NEK11: variants seen among roughly 807,000 people sequenced by gnomAD.
The protein encoded by NEK11 is NIMA related kinase 11.
In NEK11, 72 loss-of-function variants were observed where a neutral mutation model predicts 80.7. The observed-to-expected ratio is 0.89, with a 90% CI of 0.74 to 1.08. The LOEUF (loss-of-function observed/expected upper bound fraction) is 1.08, where lower values mean the gene tolerates loss of function less well. NEK11 is among the 50% of genes least tolerant of loss of function. The probability of loss-of-function intolerance (pLI) is 0.00; values close to 1 mark genes in which losing one functional copy is unlikely to be tolerated. For synonymous variants in NEK11, 251 were observed against 260.7 expected (o/e 0.96, Z 0.36); for missense variants, 764 against 763.6 (o/e 1.00, Z -0.01).
chr3:131,165,527 C>A lies in NEK11; in HGVS notation c.1176+8C>A. The A allele has an allele frequency of 1.3e-6, 2 of 1,557,678 alleles. No individual in the cohort carries two copies. The highest frequency in any genetic ancestry group is 8.8e-7 in the Non-Finnish European group (1 of 1,137,220). On this transcript the variant is annotated splice_region_variant and intron_variant, in intron 12 of 17. Coordinates refer to ENST00000383366, the MANE Select transcript of NEK11 (RefSeq NM_024800.5). ...AGTGTTGATGTACTCCATGTAAGTA[C>A]CCTCTTATTTTAAATTTTACATAAA...
At chr3:131,162,890 C>T (rs762518614) in intron 11 of NEK11, among the ~76,000 whole-genome samples, 2 of 152,166 alleles carry the variant, frequency 1.3e-5, no homozygotes, top group African/African-American at 2.4e-5. Context: ...TGCTGCGTAC[C>T]TTCTACCAGG....
At chr3:131,103,756 A>G (rs1578303306) in intron 4 of NEK11, among the ~76,000 whole-genome samples, 1 of 152,166 alleles carries the variant, frequency 6.6e-6, no homozygotes, top group Admixed American at 6.5e-5. Flanking sequence ...AGGCATGCCT[A>G]TTCCTGCTGC....
intron 16 of NEK11, among the ~76,000 whole-genome samples, chr3:131,268,808 C>T (rs1475973737): frequency 1.3e-5 from 2 of 152,232 alleles, no homozygotes; most frequent in African/African-American, 2.4e-5. Context: ...GTTAGGAGAT[C>T]CACTGCTCTC....
intron 4 of NEK11, among the ~76,000 whole-genome samples, chr3:131,104,357 A>G (rs2078853831): frequency 6.6e-6 from 1 of 152,146 alleles, no homozygotes; most frequent in Admixed American, 6.5e-5. Context: ...AGGAGCAGCA[A>G]GTTCAGAGAG....
chr3:131,119,486 C>G (rs537853680), intron 5 of NEK11, among the ~76,000 whole-genome samples: 1 of 152,160 alleles, frequency 6.6e-6, no homozygotes, highest in African/African-American at 2.4e-5. Context: ...TCTATTAGGT[C>G]TGCTTGGTGC....
intron 7 of NEK11, among the ~76,000 whole-genome samples, chr3:131,140,416 A>T (rs893926161): frequency 6.6e-6 from 1 of 152,192 alleles, no homozygotes; most frequent in African/African-American, 2.4e-5. Context: ...TTGGAAGTGG[A>T]TCCTTAAGCC....
intron 13 of NEK11, 35 bp from the exon 14 acceptor site, chr3:131,170,738 C>A: frequency 7.8e-7 from 1 of 1,282,116 alleles, no homozygotes. Context: ...TTCCTTCTAT[C>A]AGCATCTCAT....
At chr3:131,120,162 A>G (rs777661093) in intron 5 of NEK11, among the ~76,000 whole-genome samples, 5 of 152,188 alleles carry the variant, frequency 3.3e-5, no homozygotes, top group African/African-American at 1.2e-4. Context: ...GAGGTCTTGT[A>G]AGGTAGACCT....
chr3:131,280,937 A>G (rs1295438453), intron 17 of NEK11, among the ~76,000 whole-genome samples: 1 of 152,188 alleles, frequency 6.6e-6, no homozygotes, highest in Non-Finnish European at 1.5e-5. Context: ...GACCAGGTTT[A>G]CCAGTTTGGC....
intron 4 of NEK11, among the ~76,000 whole-genome samples, chr3:131,095,904 C>G (rs2077360837): frequency 6.6e-6 from 1 of 152,124 alleles, no homozygotes; most frequent in Non-Finnish European, 1.5e-5. Flanking sequence ...TCAGAGGTCA[C>G]TGGCAACAGT....
chr3:131,195,373 A>T (rs1194102031), intron 14 of NEK11, among the ~76,000 whole-genome samples: 3 of 151,902 alleles, frequency 2.0e-5, no homozygotes, highest in Non-Finnish European at 4.4e-5. Context: ...ATGATTGCCC[A>T]CTACACTCCT....
chr3:131,161,855 A>G (rs2149939601), intron 10 of NEK11, among the ~76,000 whole-genome samples: 1 of 152,380 alleles, frequency 6.6e-6, no homozygotes, highest in East Asian at 1.9e-4. Context: ...AAATAAAAAA[A>G]TAAGATTTAG....
intron 5 of NEK11, among the ~76,000 whole-genome samples, chr3:131,114,362 G>A (rs954494063): frequency 2.6e-5 from 4 of 152,102 alleles, no homozygotes; most frequent in Non-Finnish European, 5.9e-5. Context: ...TGTTCTTGCC[G>A]AAGGGAGTCA....
At chr3:131,249,367 G>A (rs1327180435) in intron 16 of NEK11, among the ~76,000 whole-genome samples, 1 of 152,086 alleles carries the variant, frequency 6.6e-6, no homozygotes, top group Non-Finnish European at 1.5e-5. Flanking sequence ...ACCGCTGAAG[G>A]CATGGTATAG....
At chr3:131,080,663 T>G in intron 4 of NEK11, 75 bp downstream of exon 4, 1 of 1,288,416 alleles carries the variant, frequency 7.8e-7, no homozygotes, top group Non-Finnish European at 1.1e-6. Context: ...TAAAGAGATC[T>G]TAAAAGTCCA....
At chr3:131,226,966 TAAA>T (rs2095218943) in intron 14 of NEK11, among the ~76,000 whole-genome samples, 1 of 150,758 alleles carries the variant, frequency 6.6e-6, no homozygotes, top group South Asian at 2.1e-4. Flanking sequence ...ATATAAATAA[TAAA>T]AATAATAAAA....
intron 17 of NEK11, among the ~76,000 whole-genome samples, chr3:131,274,649 T>C: frequency 8.1e-6 from 1 of 122,902 alleles, no homozygotes; most frequent in African/African-American, 3.2e-5. Flanking sequence ...TTTTTTTTTT[T>C]TTTTTTTTTT....
intron 10 of NEK11, among the ~76,000 whole-genome samples, chr3:131,157,103 T>C (rs896256257): frequency 1.3e-5 from 2 of 152,148 alleles, no homozygotes; most frequent in Non-Finnish European, 2.9e-5. Flanking sequence ...TCCAAATTAA[T>C]GCTTAAAATC....
chr3:131,347,162 C>T (rs568559344), intron 17 of NEK11, among the ~76,000 whole-genome samples: 168 of 152,206 alleles, frequency 1.1e-3, no homozygotes, highest in South Asian at 4.1e-3. Flanking sequence ...TATTGTGGAG[C>T]CTAGGGCTGC....
Sources: gnomAD v4.1 joint callset for allele counts (sites outside exome capture counted in the v4.1 genomes callset) on GRCh38, gnomAD v4.1.1 for gene constraint, MANE v1.5 for transcripts, NCBI Gene and HGNC (gene_info 2026-07-23, HGNC 2026-07-21) for gene names.